HDGFL3: variants seen among roughly 807,000 people sequenced by gnomAD.
The protein encoded by HDGFL3 is HDGF like 3, also known as hepatoma-derived growth factor-related protein 3.
In HDGFL3, 6 loss-of-function variants were observed where a neutral mutation model predicts 27.6. The observed-to-expected ratio is 0.22, with a 90% CI of 0.12 to 0.43. HDGFL3 has a LOEUF of 0.43. Ranked by LOEUF, HDGFL3 falls within the 20% of genes least tolerant of loss-of-function variation. The probability of loss-of-function intolerance (pLI) is 1.00; values close to 1 mark genes in which losing one functional copy is unlikely to be tolerated. For synonymous variants in HDGFL3, 88 were observed against 88.9 expected (o/e 0.99, Z 0.05); for missense variants, 207 against 250.1 (o/e 0.83, Z 1.16).
chr15:83,118,847 C>T (rs918151482), intron 3 of HDGFL3, among the ~76,000 whole-genome samples: 3 of 152,120 alleles, frequency 2.0e-5, no homozygotes, highest in African/African-American at 7.2e-5. Flanking sequence ...GAAATGTAAC[C>T]ACCTAGAAAA....
At chr15:83,201,550 T>C (rs1225108426) in intron 1 of HDGFL3, among the ~76,000 whole-genome samples, 1 of 152,212 alleles carries the variant, frequency 6.6e-6, no homozygotes, top group African/African-American at 2.4e-5. Flanking sequence ...ATATTTATTA[T>C]ACTTACAAGC....
chr15:83,144,264 C>A (rs980918911), intron 5 of HDGFL3, among the ~76,000 whole-genome samples: 1 of 152,184 alleles, frequency 6.6e-6, no homozygotes, highest in Non-Finnish European at 1.5e-5. Context: ...CAGTTCTAAT[C>A]CTCTTGTATC....
In HDGFL3 at chr15:83,207,498, G is replaced by A; in HGVS notation, c.-84C>T. On this transcript the variant is annotated 5_prime_UTR_variant, in exon 1 of 6. Transcript: ENST00000299633. The surrounding 1 kb of genome is among the most constrained non-coding windows in gnomAD (Gnocchi z 4.8). ...CCCCCGCGGGCCGACGAATTGCGCC[G>A]CGCTCCCCGCGGGCCTCAAGCCGGG... 2 of 1,068,190 alleles carry A rather than the reference G, an allele frequency of 1.9e-6. No individual in the cohort carries two copies. The highest frequency in any genetic ancestry group is 1.2e-6 in the Non-Finnish European group (1 of 833,540). 66.2% of individuals were successfully genotyped at this position (1,068,190 alleles called of 1,614,324 possible). A position where few individuals can be genotyped will look rare whatever the true frequency, so the allele number is the denominator to read the frequency against.
At chr15:83,187,163 T>C (rs1360772737) in intron 1 of HDGFL3, among the ~76,000 whole-genome samples, 3 of 149,634 alleles carry the variant, frequency 2.0e-5, no homozygotes, top group Non-Finnish European at 4.4e-5. Context: ...AAATTCTTTT[T>C]TTTTTTTTTT....
intron 1 of HDGFL3, among the ~76,000 whole-genome samples, chr15:83,197,567 G>C (rs763483037): frequency 6.6e-6 from 1 of 152,062 alleles, no homozygotes. Flanking sequence ...CCACTTTAAA[G>C]GGTACCACAA....
chr15:83,121,891 G>T (rs2035287996), intron 3 of HDGFL3: 1 of 1,547,962 alleles, frequency 6.5e-7, no homozygotes, highest in Non-Finnish European at 8.8e-7. Flanking sequence ...AACATACCAA[G>T]TCAAGATTTT....
rs1362921265 is a variant in HDGFL3, at chr15:83,136,828, A to C, written c.*2442T>G. The C allele has an allele frequency of 4.0e-6, 2 of 505,664 alleles. No homozygotes were observed. The highest frequency in any genetic ancestry group is 6.4e-6 in the Non-Finnish European group (2 of 311,732). 31.3% of individuals were successfully genotyped at this position (505,664 alleles called of 1,614,324 possible). ...TGTGTGAGCTATATGGTATTGTGTA[A>C]ATTTTTTTTGAAGGAAAATGGAAAT... On this transcript the variant is annotated 3_prime_UTR_variant, in exon 6 of 6. Transcript: ENST00000299633.
chr15:83,187,775 C>G (rs1024296519), intron 1 of HDGFL3, among the ~76,000 whole-genome samples: 1 of 151,898 alleles, frequency 6.6e-6, no homozygotes, highest in African/African-American at 2.4e-5. Context: ...GTAATCCCAG[C>G]TACTCGGGAG....
intron 1 of HDGFL3, among the ~76,000 whole-genome samples, chr15:83,168,543 A>G (rs1277686812): frequency 1.3e-5 from 2 of 152,216 alleles, no homozygotes; most frequent in Non-Finnish European, 2.9e-5. Flanking sequence ...AAACAAGAAA[A>G]TCTAGAAGAA....
At chr15:83,199,049 G>GCAA (rs1455394647) in intron 1 of HDGFL3, among the ~76,000 whole-genome samples, 4 of 152,128 alleles carry the variant, frequency 2.6e-5, no homozygotes, top group Admixed American at 2.0e-4. Flanking sequence ...CAATCAATCA[G>GCAA]CAACAACAAC....
At chr15:83,161,813 T>A (rs2037105364) in intron 2 of HDGFL3, among the ~76,000 whole-genome samples, 2 of 152,222 alleles carry the variant, frequency 1.3e-5, no homozygotes, top group Non-Finnish European at 2.9e-5. Flanking sequence ...AATTGCTATA[T>A]GTTTTAAAAT....
At chr15:83,176,119 G>A (rs1449193998) in intron 1 of HDGFL3, among the ~76,000 whole-genome samples, 1 of 152,214 alleles carries the variant, frequency 6.6e-6, no homozygotes, top group Admixed American at 6.5e-5. Flanking sequence ...AGCCCTTTGA[G>A]ATCTAGATTG....
In HDGFL3 at chr15:83,181,366, G is replaced by A. The variant is rs77185640; in HGVS notation, c.85-17291C>T. 2.5e-3 allele frequency among the ~76,000 whole-genome samples: 386 copies of A among 152,332 alleles called. 2 individuals are homozygous for A. The highest frequency in any genetic ancestry group is 4.8e-3 in the Non-Finnish European group (327 of 68,032). ...AACTCAGCCTCATAGTATACCTGGG[G>A]AGAGGCGTAGTCTCTGACAACTGAA... On this transcript the variant is annotated intron_variant, in intron 1 of 5. Coordinates refer to ENST00000299633, the MANE Select transcript of HDGFL3 (RefSeq NM_016073.4).
At chr15:83,195,387 T>G (rs367882065) in intron 1 of HDGFL3, among the ~76,000 whole-genome samples, 1 of 152,248 alleles carries the variant, frequency 6.6e-6, no homozygotes, top group Non-Finnish European at 1.5e-5. Context: ...CTAAATGTAA[T>G]AGTCTGATCA....
At chr15:83,202,738 A>G (rs564080878) in intron 1 of HDGFL3, among the ~76,000 whole-genome samples, 1 of 152,256 alleles carries the variant, frequency 6.6e-6, no homozygotes, top group South Asian at 2.1e-4. Flanking sequence ...ACATCCATGT[A>G]ACACCATCCA....
At chr15:83,170,239 A>G (rs1055195546) in intron 1 of HDGFL3, among the ~76,000 whole-genome samples, 9 of 152,230 alleles carry the variant, frequency 5.9e-5, no homozygotes, top group African/African-American at 2.2e-4. Context: ...ATATGGAACC[A>G]AAAAGGAACC....
chr15:83,155,034 A>C (rs1052771041), intron 4 of HDGFL3, among the ~76,000 whole-genome samples: 2 of 151,802 alleles, frequency 1.3e-5, no homozygotes, highest in African/African-American at 4.8e-5. Context: ...CTCCTGGCTA[A>C]TTTTATTATT....
At chr15:83,115,608 T>C (rs2034586516) in exon 4 of HDGFL3, 1 of 654,978 alleles carries the variant, frequency 1.5e-6, no homozygotes, top group Non-Finnish European at 2.8e-6. Flanking sequence ...CATTCTCCAC[T>C]CCTGTGATGA....
intron 5 of HDGFL3, among the ~76,000 whole-genome samples, chr15:83,142,153 A>C (rs1423259786): frequency 1.3e-5 from 2 of 152,240 alleles, no homozygotes; most frequent in Non-Finnish European, 2.9e-5. Context: ...CATTCAACCC[A>C]GCAATCCCAT....
Sources: gnomAD v4.1 joint callset for allele counts (sites outside exome capture counted in the v4.1 genomes callset) on GRCh38, gnomAD v4.1.1 for gene constraint, Gnocchi (gnomAD v3.1) non-coding constraint, MANE v1.5 for transcripts, NCBI Gene and HGNC (gene_info 2026-07-23, HGNC 2026-07-21) for gene names.